Variants in DCC observed in about 807,000 individuals in gnomAD.
DCC encodes the protein DCC netrin 1 receptor.
A neutral mutation model predicts 172.5 loss-of-function variants in DCC; 58 were observed. The observed-to-expected ratio is 0.34, with a 90% CI of 0.27 to 0.42. The LOEUF is 0.42. Among genes scored for constraint, DCC ranks in the 10% least tolerant of loss-of-function variants. DCC has a pLI of 1.00. For missense variants in DCC, 1,740 were observed against 1,791.0 expected, an observed-to-expected ratio of 0.97 and a Z score of 0.51; for synonymous variants, 709 against 644.5, an observed-to-expected ratio of 1.10 and a Z score of -1.52.
chr18:52,348,316 A>G (rs568808681), intron 1 of DCC, among the ~76,000 whole-genome samples: 1 of 152,304 alleles, frequency 6.6e-6, no homozygotes, highest in African/African-American at 2.4e-5. Flanking sequence ...CAAATTTGCC[A>G]CCATGTTTAG....
chr18:52,698,600 C>CT (rs957522816), intron 1 of DCC, among the ~76,000 whole-genome samples: 114 of 149,210 alleles, frequency 7.6e-4, no homozygotes, highest in East Asian at 1.4e-3. Context: ...AGATGAGAGT[C>CT]TTTTTTTTTT....
chr18:53,253,263 G>A (rs865980049), intron 12 of DCC, among the ~76,000 whole-genome samples: 8 of 151,816 alleles, frequency 5.3e-5, no homozygotes, highest in Non-Finnish European at 7.4e-5. Context: ...TATACTAATG[G>A]TGAATATTTA....
At chr18:52,746,377 A>G (rs971547168) in intron 1 of DCC, among the ~76,000 whole-genome samples, 1 of 152,180 alleles carries the variant, frequency 6.6e-6, no homozygotes, top group African/African-American at 2.4e-5. Flanking sequence ...AAAATCTTGT[A>G]GGAGCTTTTT....
At chr18:53,412,627 G>A (rs576235389) in intron 20 of DCC, among the ~76,000 whole-genome samples, 121 of 144,346 alleles carry the variant, frequency 8.4e-4, no homozygotes, top group African/African-American at 2.9e-3. Context: ...TAGATGTCCC[G>A]AAGCTGAGAA....
chr18:53,191,421 C>A (rs1182418097), intron 9 of DCC, among the ~76,000 whole-genome samples: 2 of 151,000 alleles, frequency 1.3e-5, no homozygotes, highest in East Asian at 1.9e-4. Flanking sequence ...TTCTTTATAA[C>A]CTCATATTTT....
Position 53,515,489 on chromosome 18 carries a change from G to A in DCC, c.4112-11128G>A, listed in dbSNP as rs966803338. Among the ~76,000 whole-genome samples, 19 of 149,348 alleles carry A rather than the reference G, an allele frequency of 1.3e-4. No homozygotes were observed. In the South Asian group the frequency reaches 2.0e-3, roughly 16 times the overall value. On this transcript the variant is annotated intron_variant, in intron 27 of 28. Transcript: ENST00000442544. ...GAAGGAAATAAAGGGTATTCAATTA[G>A]GAAAAGAGGAAGTCAAATTGTCCCT...
At chr18:52,547,310 C>T (rs2032642965) in intron 1 of DCC, among the ~76,000 whole-genome samples, 1 of 152,076 alleles carries the variant, frequency 6.6e-6, no homozygotes, top group Non-Finnish European at 1.5e-5. Flanking sequence ...AATGTTGTTA[C>T]CTTGCCTTGA....
In DCC at chr18:52,528,076, G is replaced by A. The variant is rs544605420; in HGVS notation, c.91+187198G>A. On this transcript the variant is annotated intron_variant, in intron 1 of 28. Transcript: ENST00000442544. ...AAATATGATATAGAATCTTGTTATG[G>A]ACTTTATGTCTGAGGGCACACATGG... Among the ~76,000 whole-genome samples the A allele has an allele frequency of 7.2e-5, 11 of 152,176 alleles. No homozygotes were observed. In the East Asian group the frequency reaches 2.1e-3, roughly 29 times the overall value.
intron 13 of DCC, among the ~76,000 whole-genome samples, chr18:53,316,094 A>C (rs990537819): frequency 6.6e-6 from 1 of 152,150 alleles, no homozygotes; most frequent in Non-Finnish European, 1.5e-5. Flanking sequence ...TAGGTCTTAC[A>C]TTTAAGTCTT....
chr18:52,652,741 G>GTGTGTGTGTGT (rs1555709976), intron 1 of DCC, among the ~76,000 whole-genome samples: 75 of 43,138 alleles, frequency 1.7e-3, no homozygotes, highest in East Asian at 4.9e-3. Flanking sequence ...TGTGTGTGTG[G>GTGTGTGTGTGT]GTGGAGGAGG....
intron 26 of DCC, among the ~76,000 whole-genome samples, chr18:53,498,515 A>T (rs1321436266): frequency 1.3e-5 from 2 of 152,042 alleles, no homozygotes; most frequent in African/African-American, 4.8e-5. Context: ...ATTAACAAGG[A>T]AAACTTCCTT....
intron 2 of DCC, among the ~76,000 whole-genome samples, chr18:52,807,143 C>T (rs752427059): frequency 3.9e-5 from 6 of 152,072 alleles, no homozygotes; most frequent in South Asian, 2.1e-4. Context: ...TGCAGTGAGC[C>T]GAGGTCGCGC....
chr18:52,804,951 C>T (rs1305974739), intron 2 of DCC, among the ~76,000 whole-genome samples: 1 of 152,106 alleles, frequency 6.6e-6, no homozygotes, highest in Admixed American at 6.5e-5. Flanking sequence ...CTTATGACAA[C>T]AGATAAAATA....
intron 25 of DCC, among the ~76,000 whole-genome samples, chr18:53,475,119 C>A (rs1357520650): frequency 6.6e-6 from 1 of 152,188 alleles, no homozygotes; most frequent in Non-Finnish European, 1.5e-5. Context: ...GAAGAAATTT[C>A]TAAGCAATAA....
At chr18:52,528,228 T>C (rs2032040928) in intron 1 of DCC, among the ~76,000 whole-genome samples, 1 of 152,204 alleles carries the variant, frequency 6.6e-6, no homozygotes, top group Admixed American at 6.5e-5. Flanking sequence ...CATTAGCTTT[T>C]CAATAAATAC....
intron 1 of DCC, among the ~76,000 whole-genome samples, chr18:52,566,920 T>A (rs1240093320): frequency 6.6e-6 from 1 of 152,190 alleles, no homozygotes; most frequent in Non-Finnish European, 1.5e-5. Flanking sequence ...ATAAACAAGC[T>A]ATATGATAAA....
intron 25 of DCC, among the ~76,000 whole-genome samples, chr18:53,473,722 C>G (rs2045726509): frequency 6.6e-6 from 1 of 152,336 alleles, no homozygotes; most frequent in Non-Finnish European, 1.5e-5. Context: ...ACCTGGGCAA[C>G]TTCAGAACCT....
At chr18:52,961,243 T>A (rs1367306449) in intron 5 of DCC, among the ~76,000 whole-genome samples, 1 of 152,186 alleles carries the variant, frequency 6.6e-6, no homozygotes, top group African/African-American at 2.4e-5. Context: ...TATACATATG[T>A]AACAAACCTG....
chr18:52,744,497 T>G (rs1418283982), intron 1 of DCC, among the ~76,000 whole-genome samples: 3 of 152,240 alleles, frequency 2.0e-5, no homozygotes, highest in African/African-American at 7.2e-5. Flanking sequence ...TAATAAAAAT[T>G]TGTCTTAAAT....
Sources: allele counts gnomAD v4.1 joint callset (sites outside exome capture counted in the v4.1 genomes callset), GRCh38; gene constraint gnomAD v4.1.1; transcripts MANE v1.5; gene names NCBI Gene and HGNC (gene_info 2026-07-23, HGNC 2026-07-21).